The following PDLIM5 variants were observed in gnomAD, a reference collection of about 807,000 sequenced individuals.
PDLIM5 encodes PDZ and LIM domain protein 5.
PDLIM5 carries 34 observed loss-of-function variants against 64.2 expected under a neutral mutation model. That is an observed-to-expected ratio of 0.53 (90% CI 0.40 to 0.71). The LOEUF (loss-of-function observed/expected upper bound fraction) is 0.71, where lower values mean the gene tolerates loss of function less well. PDLIM5 is among the 30% of genes least tolerant of loss of function. The probability of loss-of-function intolerance (pLI) is 0.00; values close to 1 mark genes in which losing one functional copy is unlikely to be tolerated. For missense variants in PDLIM5, 683 were observed against 733.6 expected (o/e 0.93, Z 0.80); for synonymous variants, 253 against 269.1 (o/e 0.94, Z 0.59).
rs539513050 is a variant in PDLIM5 at position 94,617,937 on chromosome 4, A to G, written c.921-67A>G. 2.7e-5 allele frequency: 22 copies of G among 806,124 alleles called. 1 individual carries two copies. The South Asian group carries it at 6.6e-4, about 24-fold the overall frequency. 49.9% of individuals were successfully genotyped at this position (806,124 alleles called of 1,614,324 possible). A position where few individuals can be genotyped will look rare whatever the true frequency, so the allele number is the denominator to read the frequency against. On this transcript the variant is annotated intron_variant, in intron 7 of 12. Transcript: ENST00000317968. ...TTTGATTGATTAATGGATTTTGAAA[A>G]GAAAGGATTATTGCTGAGTTACGTT...
At chr4:94,528,446 A>G (rs1489169105) in intron 3 of PDLIM5, among the ~76,000 whole-genome samples, 1 of 152,218 alleles carries the variant, frequency 6.6e-6, no homozygotes, top group African/African-American at 2.4e-5. Flanking sequence ...GTTATTTACT[A>G]ATTATTCCGT....
At chr4:94,542,028 C>T (rs957617794) in intron 3 of PDLIM5, among the ~76,000 whole-genome samples, 1 of 152,010 alleles carries the variant, frequency 6.6e-6, no homozygotes, top group Admixed American at 6.6e-5. Flanking sequence ...AGTAAGAGGC[C>T]CGGCTGGGCA....
chr4:94,521,903 T>C (rs1472650742), intron 2 of PDLIM5, among the ~76,000 whole-genome samples: 2 of 152,178 alleles, frequency 1.3e-5, no homozygotes, highest in Non-Finnish European at 2.9e-5. Flanking sequence ...GGATGACTTA[T>C]GTTTACTTTC....
intron 2 of PDLIM5, among the ~76,000 whole-genome samples, chr4:94,492,111 G>T: frequency 8.5e-6 from 1 of 117,394 alleles, no homozygotes; most frequent in African/African-American, 5.5e-5. Context: ...ACTTTTTTCA[G>T]CTTTAAGAAT....
At chr4:94,559,522 G>C (rs1241349984) in intron 3 of PDLIM5, among the ~76,000 whole-genome samples, 1 of 152,162 alleles carries the variant, frequency 6.6e-6, no homozygotes, top group Admixed American at 6.5e-5. Context: ...GTTTGCTTTG[G>C]GGTAGGTTTC....
chr4:94,569,351 T>TTG (rs1406752302), intron 3 of PDLIM5, among the ~76,000 whole-genome samples: 2 of 152,078 alleles, frequency 1.3e-5, no homozygotes, highest in African/African-American at 4.8e-5. Flanking sequence ...GTTTGTTTGT[T>TTG]TAGACAGAGT....
At chr4:94,477,969 T>C (rs766703529) in intron 2 of PDLIM5, among the ~76,000 whole-genome samples, 3 of 152,290 alleles carry the variant, frequency 2.0e-5, no homozygotes, top group Admixed American at 6.5e-5. Context: ...TTTAAGAATA[T>C]AGTATCAGCC....
At chr4:94,483,407 A>T (rs190454809) in intron 2 of PDLIM5, among the ~76,000 whole-genome samples, 2 of 152,270 alleles carry the variant, frequency 1.3e-5, no homozygotes, top group African/African-American at 4.8e-5. Flanking sequence ...CCAACATAAG[A>T]TACTCAGTGT....
intron 7 of PDLIM5, among the ~76,000 whole-genome samples, chr4:94,607,868 A>T (rs1379972956): frequency 6.6e-6 from 1 of 152,222 alleles, no homozygotes; most frequent in East Asian, 1.9e-4. Flanking sequence ...GGGGGAAAAC[A>T]GCCCATATTT....
intron 11 of PDLIM5, 126 bp from the exon 12 acceptor site, chr4:94,662,296 T>C (rs1370439453): frequency 4.0e-6 from 2 of 498,768 alleles, no homozygotes; most frequent in Non-Finnish European, 7.3e-6. Flanking sequence ...CTGAAATTTT[T>C]CAAATTCCTA....
intron 2 of PDLIM5, among the ~76,000 whole-genome samples, chr4:94,479,880 A>G (rs1429516945): frequency 1.3e-5 from 2 of 152,160 alleles, no homozygotes; most frequent in African/African-American, 4.8e-5. Context: ...AAGTTGATGT[A>G]AGTCTAATTT....
At chr4:94,558,206 C>T (rs533337336) in intron 3 of PDLIM5, among the ~76,000 whole-genome samples, 148 of 152,206 alleles carry the variant, frequency 9.7e-4, no homozygotes, top group African/African-American at 3.4e-3. Flanking sequence ...TGCTGGATTA[C>T]GTTTATTGAT....
chr4:94,543,055 G>A (rs1259938905), intron 3 of PDLIM5, among the ~76,000 whole-genome samples: 1 of 152,174 alleles, frequency 6.6e-6, no homozygotes, highest in Non-Finnish European at 1.5e-5. Flanking sequence ...GGATGAAGGT[G>A]CTTTGCATAC....
In PDLIM5 at chr4:94,614,694, T is replaced by C. The variant is rs1252548728; in HGVS notation, c.921-3310T>C. On this transcript the variant is annotated intron_variant, in intron 7 of 12. Transcript: ENST00000317968. Reference sequence around the variant, plus strand: ...TCTTTATAGTCTACTCCAAGCCCTTTGTAGCTAAAGAGTACTGTTTAAGAT... The same window carrying C: ...TCTTTATAGTCTACTCCAAGCCCTTCGTAGCTAAAGAGTACTGTTTAAGAT... Among the ~76,000 whole-genome samples the C allele has an allele frequency of 2.0e-5, 3 of 152,162 alleles. No homozygotes were observed. In the East Asian group the frequency reaches 5.8e-4, roughly 29 times the overall value.
intron 2 of PDLIM5, chr4:94,455,912 T>C (rs1248500537): frequency 6.9e-7 from 1 of 1,456,662 alleles, no homozygotes; most frequent in African/African-American, 1.4e-5. Flanking sequence ...TCCAACTAGA[T>C]AGCCTATGAA....
chr4:94,519,736 A>G (rs1287019745), intron 2 of PDLIM5, among the ~76,000 whole-genome samples: 2 of 152,180 alleles, frequency 1.3e-5, no homozygotes, highest in Admixed American at 6.5e-5. Context: ...AAAACACTAT[A>G]TGAGAGGAGC....
Position 94,520,594 on chromosome 4 carries a change from G to T in PDLIM5, c.97-3130G>T, listed in dbSNP as rs112154744. Among the ~76,000 whole-genome samples the T allele has an allele frequency of 2.6e-3, 395 of 152,306 alleles. 3 individuals carry two copies. The highest frequency in any genetic ancestry group is 9.0e-3 in the African/African-American group (373 of 41,576). On this transcript the variant is annotated intron_variant, in intron 2 of 12. Transcript: ENST00000317968. ...TCTTTCTAATGAGTGAACAGATTGAGGAAGTGGTTCTGGAGATAAATGAAG... is the reference window on the plus strand; with the variant it reads ...TCTTTCTAATGAGTGAACAGATTGATGAAGTGGTTCTGGAGATAAATGAAG...
intron 3 of PDLIM5, among the ~76,000 whole-genome samples, chr4:94,559,486 A>G (rs142016100): frequency 1.1e-4 from 16 of 152,324 alleles, no homozygotes; most frequent in African/African-American, 3.8e-4. Context: ...TTTCATTGGA[A>G]CACTAAAGCA....
chr4:94,654,317 C>A, intron 9 of PDLIM5, 143 bp from the exon 10 acceptor site: 2 of 624,448 alleles, frequency 3.2e-6, no homozygotes, highest in Non-Finnish European at 2.9e-6. Flanking sequence ...ATTTACAACA[C>A]CCAACACCCA....
Sources: allele counts gnomAD v4.1 joint callset (sites outside exome capture counted in the v4.1 genomes callset), GRCh38; gene constraint gnomAD v4.1.1; transcripts MANE v1.5; gene names NCBI Gene and HGNC (gene_info 2026-07-23, HGNC 2026-07-21).